PHACTR2: variants seen among roughly 807,000 people sequenced by gnomAD.
PHACTR2 encodes phosphatase and actin regulator 2.
In PHACTR2, 30 loss-of-function variants were observed where a neutral mutation model predicts 76.0. The observed-to-expected ratio is 0.39, with a 90% CI of 0.30 to 0.54. PHACTR2 has a LOEUF of 0.54. Among genes scored for constraint, PHACTR2 ranks in the 20% least tolerant of loss-of-function variants. PHACTR2 has a pLI of 0.61. For missense variants in PHACTR2, 696 were observed against 781.1 expected, an observed-to-expected ratio of 0.89 and a Z score of 1.30; for synonymous variants, 292 against 292.5, an observed-to-expected ratio of 1.00 and a Z score of 0.02.
chr6:143,725,791 A>G (rs1421293378), intron 2 of PHACTR2, among the ~76,000 whole-genome samples: 1 of 150,840 alleles, frequency 6.6e-6, no homozygotes, highest in African/African-American at 2.4e-5. Flanking sequence ...GAGCCACTGC[A>G]CACCAGCCTG....
intron 7 of PHACTR2, 109 bp from the exon 8 acceptor site, chr6:143,773,950 G>A: frequency 2.6e-6 from 2 of 775,598 alleles, no homozygotes; most frequent in East Asian, 5.4e-5. Flanking sequence ...TCCTGCATGA[G>A]GAGAAAGAAT....
chr6:143,806,958 T>TAA lies in PHACTR2; in HGVS notation c.1846-86_1846-85dup, dbSNP rs774136054. The TAA allele has an allele frequency of 8.1e-4, 409 of 506,836 alleles. No homozygotes were observed. Among genetic ancestry groups the TAA allele is most frequent in the Non-Finnish European group, 9.5e-4 (274 of 288,980 alleles). The allele number at this position is 506,836 out of a possible 1,614,324, so 31.4% of individuals were successfully genotyped here. A position where few individuals can be genotyped will look rare whatever the true frequency, so the allele number is the denominator to read the frequency against. Reference sequence around the variant, plus strand: ...GATGACAGAGCGAGACTCTATCTCTTAAAAAAAAAAAAAAGGTCTGCTTCA... The same window carrying TAA: ...GATGACAGAGCGAGACTCTATCTCTTAAAAAAAAAAAAAAAAGGTCTGCTTCA... On this transcript the variant is annotated intron_variant, in intron 11 of 12. Coordinates refer to ENST00000440869, the MANE Select transcript of PHACTR2 (RefSeq NM_001100164.2). This position sits in a 1 kb window ranked among gnomAD's most constrained non-coding sequence, Gnocchi z 5.8.
rs1346549709 is a variant in PHACTR2, at chr6:143,774,557, A to C, written c.1589+342A>C. On this transcript the variant is annotated intron_variant, in intron 8 of 12. Coordinates refer to ENST00000440869, the MANE Select transcript of PHACTR2 (RefSeq NM_001100164.2). This position sits in a 1 kb window ranked among gnomAD's most constrained non-coding sequence, Gnocchi z 5.4. ...AGCAGCCATAAATAATAGATAAACA[A>C]ATGAGTGTGGCCATGTTCCAATAAA... is the stretch of plus-strand genomic sequence containing the variant. Among the ~76,000 whole-genome samples, 2 of 152,218 alleles carry C rather than the reference A, an allele frequency of 1.3e-5. No homozygotes were observed. Among genetic ancestry groups the C allele is most frequent in the Non-Finnish European group, 2.9e-5 (2 of 68,048 alleles).
chr6:143,618,256 AACACACACAC>A lies in PHACTR2; in HGVS notation c.13+9955_13+9964del, dbSNP rs66800720. Among the ~76,000 whole-genome samples, 1 of 145,302 alleles carries A rather than the reference AACACACACAC, an allele frequency of 6.9e-6. No homozygotes were observed. Among genetic ancestry groups the A allele is most frequent in the African/African-American group, 2.6e-5 (1 of 38,908 alleles). On this transcript the variant is annotated intron_variant, in intron 1 of 11. Coordinates refer to the PHACTR2 transcript ENST00000305766. The surrounding 1 kb of genome is among the most constrained non-coding windows in gnomAD (Gnocchi z 5.2). ...GTTCCACCTTGTACTTCCTGCTCCA[AACACACACAC>A]ACACACACACACACACACACGCACA...
Position 143,570,520 on chromosome 6 carries a change from C to G in PHACTR2, c.217+33313C>G, listed in dbSNP as rs963470210. Among the ~76,000 whole-genome samples, 1 of 152,158 alleles carries G rather than the reference C, an allele frequency of 6.6e-6. No individual in the cohort carries two copies. Among genetic ancestry groups the G allele is most frequent in the Non-Finnish European group, 1.5e-5 (1 of 68,018 alleles). On this transcript the variant is annotated intron_variant, in intron 1 of 11. Coordinates refer to the PHACTR2 transcript ENST00000367584. This position sits in a 1 kb window ranked among gnomAD's most constrained non-coding sequence, Gnocchi z 4.6. ...AGCCATGAAAATGTTCTATCAATAG[C>G]TTTCTATCGATTGGCAGTTTTGTGC...
chr6:143,644,360 C>T (rs1042795828), intron 1 of PHACTR2, among the ~76,000 whole-genome samples: 7 of 149,956 alleles, frequency 4.7e-5, no homozygotes, highest in Admixed American at 2.0e-4. Flanking sequence ...CCCAGCTACT[C>T]AGGAGGCTGA....
rs951774187 is a variant in PHACTR2 at position 143,774,021 on chromosome 6, C to CCT, written c.1433-29_1433-28dup. On this transcript the variant is annotated intron_variant, in intron 7 of 12. Transcript: ENST00000440869. This position sits in a 1 kb window ranked among gnomAD's most constrained non-coding sequence, Gnocchi z 5.4. ...TAACCTGAGTGCCACTGGCTAAAAG[C>CCT]CTCTCTCTCTGCATTTCTGCTCTTT... The CCT allele has an allele frequency of 3.1e-6, 5 of 1,593,154 alleles. No homozygotes were observed. The highest frequency in any genetic ancestry group is 4.5e-5 in the East Asian group (2 of 44,648).
rs1011665540 is a variant in PHACTR2, at chr6:143,556,018, AC to A, written c.217+18812del. Among the ~76,000 whole-genome samples, 7 of 152,248 alleles carry A rather than the reference AC, an allele frequency of 4.6e-5. No homozygotes were observed. The highest frequency in any genetic ancestry group is 1.9e-4 in the East Asian group (1 of 5,188). On this transcript the variant is annotated intron_variant, in intron 1 of 11. Coordinates refer to the PHACTR2 transcript ENST00000367584. The surrounding 1 kb of genome is among the most constrained non-coding windows in gnomAD (Gnocchi z 4.3). ...TTTTTTAAAAAGAAACAGAAAAAAAACAAAAAGAAAAGAGACCAAACCTTTT... is the reference window on the plus strand; with the variant it reads ...TTTTTTAAAAAGAAACAGAAAAAAAAAAAAAGAAAAGAGACCAAACCTTTT...
intron 6 of PHACTR2, among the ~76,000 whole-genome samples, chr6:143,771,207 T>C (rs965971576): frequency 0.02 from 1,725 of 87,742 alleles, 65 homozygotes; most frequent in Admixed American, 0.025. Flanking sequence ...TATATATATA[T>C]ATATATATAT....
rs576650655 is a variant in PHACTR2, at chr6:143,678,653, G to C, written c.46+444G>C. Among the ~76,000 whole-genome samples, 13 of 152,336 alleles carry C rather than the reference G, an allele frequency of 8.5e-5. No homozygotes were observed. Among genetic ancestry groups the C allele is most frequent in the African/African-American group, 3.1e-4 (13 of 41,572 alleles). Reference sequence around the variant, plus strand: ...GATTTATGGTTTGTTATTCGGAGTAGAAGCGCTGATCGCCTTATCCTGGCA... The same window carrying C: ...GATTTATGGTTTGTTATTCGGAGTACAAGCGCTGATCGCCTTATCCTGGCA... On this transcript the variant is annotated intron_variant, in intron 1 of 12. Transcript: ENST00000440869. The surrounding 1 kb of genome is among the most constrained non-coding windows in gnomAD (Gnocchi z 6.2).
intron 1 of PHACTR2, among the ~76,000 whole-genome samples, chr6:143,686,197 T>C (rs1198418423): frequency 6.6e-6 from 1 of 151,022 alleles, no homozygotes; most frequent in African/African-American, 2.4e-5. Context: ...TAGAAGTATA[T>C]TGTAAAAGAA....
intron 2 of PHACTR2, among the ~76,000 whole-genome samples, chr6:143,725,268 C>T (rs1438168447): frequency 3.2e-5 from 4 of 124,850 alleles, no homozygotes; most frequent in Admixed American, 2.0e-4. Flanking sequence ...AGTGCAGTGG[C>T]GTGATCTCGG....
In PHACTR2 at chr6:143,620,672, T is replaced by A. The variant is rs76288152; in HGVS notation, c.13+12350T>A. Among the ~76,000 whole-genome samples the A allele has an allele frequency of 3.9e-3, 591 of 152,354 alleles. 7 individuals are homozygous for A. Among genetic ancestry groups the A allele is most frequent in the African/African-American group, 0.013 (554 of 41,590 alleles). ...ACATAAAAAATGTTGCCCTGACATA[T>A]AAAATCCATGTCTGCTTGAGTATAT... On this transcript the variant is annotated intron_variant, in intron 1 of 11. Coordinates refer to the PHACTR2 transcript ENST00000305766.
At chr6:143,673,968 A>T (rs1777199397), upstream of PHACTR2, among the ~76,000 whole-genome samples, 1 of 152,176 alleles carries the variant, frequency 6.6e-6, no homozygotes, top group Non-Finnish European at 1.5e-5. Flanking sequence ...TTCCTGTTCT[A>T]ATACTTGTGG....
rs1193437820 is a variant in PHACTR2 at position 143,822,048 on chromosome 6, C to T, written c.1923-1626C>T. ...AAGTAGGTAGAGGAAAGGGCATTAG[C>T]GCAAAAGCCTTTTTGGGGCAAGTGA... On this transcript the variant is annotated intron_variant, in intron 12 of 12. Coordinates refer to ENST00000440869, the MANE Select transcript of PHACTR2 (RefSeq NM_001100164.2). The surrounding 1 kb of genome is among the most constrained non-coding windows in gnomAD (Gnocchi z 5.5). 1.3e-5 allele frequency among the ~76,000 whole-genome samples: 2 copies of T among 151,940 alleles called. No homozygotes were observed. The highest frequency in any genetic ancestry group is 2.9e-5 in the Non-Finnish European group (2 of 68,006).
In PHACTR2 at chr6:143,616,171, A is replaced by C. The variant is rs1357118627; in HGVS notation, c.13+7849A>C. 1.3e-5 allele frequency among the ~76,000 whole-genome samples: 2 copies of C among 152,088 alleles called. No homozygotes were observed. The highest frequency in any genetic ancestry group is 2.9e-5 in the Non-Finnish European group (2 of 68,020). The stretch of plus-strand genomic sequence containing the variant: ...TCCCAACATCCAGCTATCTCCCCAA[A>C]ATTATTTTGAATTTTTTTCACATAA... On this transcript the variant is annotated intron_variant, in intron 1 of 11. Transcript: ENST00000305766. The surrounding 1 kb of genome is among the most constrained non-coding windows in gnomAD (Gnocchi z 4.9).
Position 143,570,914 on chromosome 6 carries a change from AGTG to A in PHACTR2, c.217+33711_217+33713del, listed in dbSNP as rs1775439380. ...CCCTAACCTAAGGGATGGCTCTGCA[AGTG>A]GTGATCGATGTTTATCAAATGCCCC... On this transcript the variant is annotated intron_variant, in intron 1 of 11. Coordinates refer to the PHACTR2 transcript ENST00000367584. This position sits in a 1 kb window ranked among gnomAD's most constrained non-coding sequence, Gnocchi z 4.6. Among the ~76,000 whole-genome samples the A allele has an allele frequency of 6.6e-6, 1 of 152,220 alleles. No homozygotes were observed. Among genetic ancestry groups the A allele is most frequent in the South Asian group, 2.1e-4 (1 of 4,830 alleles).
chr6:143,581,706 C>T lies in PHACTR2; in HGVS notation c.217+44499C>T, dbSNP rs149683445. The stretch of plus-strand genomic sequence containing the variant: ...ATTAGCTGGACATGGTGGTGGGTGC[C>T]TGTAATCCCAGCTAGTCAGGAGGGT... On this transcript the variant is annotated intron_variant, in intron 1 of 11. Coordinates refer to the PHACTR2 transcript ENST00000367584. The surrounding 1 kb of genome is among the most constrained non-coding windows in gnomAD (Gnocchi z 4.5). Among the ~76,000 whole-genome samples the T allele has an allele frequency of 1.8e-3, 271 of 152,206 alleles. 2 individuals are homozygous for T. Among genetic ancestry groups the T allele is most frequent in the African/African-American group, 5.9e-3 (246 of 41,520 alleles).
rs1400820367 is a variant in PHACTR2, at chr6:143,633,482, T to C, written c.13+25160T>C. ...TTCTGTTCAGGTCTTTTGTCCATTT[T>C]TAAATTGGATTCTTCATTCCCTTAT... is the stretch of plus-strand genomic sequence containing the variant. On this transcript the variant is annotated intron_variant, in intron 1 of 11. Coordinates refer to the PHACTR2 transcript ENST00000305766. This position sits in a 1 kb window ranked among gnomAD's most constrained non-coding sequence, Gnocchi z 4.1. Among the ~76,000 whole-genome samples the C allele has an allele frequency of 1.3e-5, 2 of 152,236 alleles. No individual in the cohort carries two copies. The highest frequency in any genetic ancestry group is 4.8e-5 in the African/African-American group (2 of 41,462).
Sources: allele counts gnomAD v4.1 joint callset (sites outside exome capture counted in the v4.1 genomes callset), GRCh38; gene constraint gnomAD v4.1.1; non-coding constraint Gnocchi (gnomAD v3.1); transcripts MANE v1.5; gene names NCBI Gene and HGNC (gene_info 2026-07-23, HGNC 2026-07-21).